The following DLG2 variants were observed in gnomAD, a reference collection of about 807,000 sequenced individuals.
DLG2 encodes disks large homolog 2.
In DLG2, 45 loss-of-function variants were observed where a neutral mutation model predicts 132.5. The observed-to-expected ratio is 0.34, with a 90% CI of 0.27 to 0.44. The LOEUF is 0.44. DLG2 is among the 20% of genes least tolerant of loss of function. The pLI is 1.00. For missense variants in DLG2, 1,045 were observed against 1,196.9 expected, an observed-to-expected ratio of 0.87 and a Z score of 1.87; for synonymous variants, 424 against 419.6, an observed-to-expected ratio of 1.01 and a Z score of -0.13.
At chr11:84,587,938 G>A (rs1436458617) in intron 6 of DLG2, among the ~76,000 whole-genome samples, 1 of 152,084 alleles carries the variant, frequency 6.6e-6, no homozygotes, top group Non-Finnish European at 1.5e-5. Context: ...GATCATAACT[G>A]GATTTGGCTT....
At chr11:84,592,731 G>A (rs2099546471) in intron 6 of DLG2, among the ~76,000 whole-genome samples, 1 of 151,394 alleles carries the variant, frequency 6.6e-6, no homozygotes, top group South Asian at 2.1e-4. Context: ...ATCATCACTG[G>A]TCATGAGAGA....
chr11:85,104,747 GA>G (rs1327334096), intron 6 of DLG2, among the ~76,000 whole-genome samples: 2 of 150,934 alleles, frequency 1.3e-5, no homozygotes, highest in Non-Finnish European at 3.0e-5. Flanking sequence ...TTAAAGGATT[GA>G]AAAACAAAAA....
intron 8 of DLG2, among the ~76,000 whole-genome samples, chr11:84,222,113 A>G (rs1320735665): frequency 6.6e-6 from 1 of 151,904 alleles, no homozygotes; most frequent in Non-Finnish European, 1.5e-5. Flanking sequence ...GCTCACTGCA[A>G]CCTCCACCTC....
At chr11:84,058,606 G>C (rs916722267) in intron 11 of DLG2, among the ~76,000 whole-genome samples, 1 of 151,036 alleles carries the variant, frequency 6.6e-6, no homozygotes, top group African/African-American at 2.4e-5. Flanking sequence ...AGGATCACTT[G>C]AGCCCAGGAG....
At chr11:83,484,458 A>G (rs139097467) in intron 21 of DLG2, among the ~76,000 whole-genome samples, 84 of 152,188 alleles carry the variant, frequency 5.5e-4, no homozygotes, top group Non-Finnish European at 1.1e-3. Flanking sequence ...CTGGTTACAG[A>G]TAAATGGTGA....
At chr11:85,180,213 C>T (rs1157985956) in intron 4 of DLG2, among the ~76,000 whole-genome samples, 1 of 151,866 alleles carries the variant, frequency 6.6e-6, no homozygotes, top group African/African-American at 2.4e-5. Flanking sequence ...CACACATAAG[C>T]ACATATACAT....
intron 4 of DLG2, among the ~76,000 whole-genome samples, chr11:85,226,745 T>C (rs17810280): frequency 0.048 from 7,327 of 152,100 alleles, 237 homozygotes; most frequent in East Asian, 0.11. Flanking sequence ...AAAAAGACAA[T>C]GATGTTATTC....
At chr11:83,986,289 T>G (rs1354198336) in intron 11 of DLG2, among the ~76,000 whole-genome samples, 3 of 150,018 alleles carry the variant, frequency 2.0e-5, no homozygotes, top group African/African-American at 4.9e-5. Context: ...AATTCCCACC[T>G]ATGAGTGAGA....
In DLG2 at chr11:83,993,835, A is replaced by G. The variant is rs545717729; in HGVS notation, c.920-13193T>C. ...ACTGTCTTGGAAGTATACAGATTCC[A>G]GCACACAAAGCCACAAAAGTTACAT... On this transcript the variant is annotated intron_variant, in intron 11 of 27. Coordinates refer to ENST00000376104, the MANE Select transcript of DLG2 (RefSeq NM_001142699.3). Among the ~76,000 whole-genome samples the G allele has an allele frequency of 1.3e-4, 20 of 152,316 alleles. No homozygotes were observed. In the East Asian group the frequency reaches 3.7e-3, roughly 28 times the overall value.
At chr11:84,466,108 T>C (rs2099093716) in intron 7 of DLG2, among the ~76,000 whole-genome samples, 1 of 151,210 alleles carries the variant, frequency 6.6e-6, no homozygotes, top group South Asian at 2.1e-4. Flanking sequence ...ATAAATAATA[T>C]TGAGACAACT....
chr11:85,496,560 G>C (rs1216249340), intron 3 of DLG2, among the ~76,000 whole-genome samples: 1 of 152,154 alleles, frequency 6.6e-6, no homozygotes, highest in African/African-American at 2.4e-5. Flanking sequence ...GCTCTGAAAA[G>C]ACCAGTGGTT....
At chr11:84,828,672 G>C (rs559677719) in intron 6 of DLG2, among the ~76,000 whole-genome samples, 2 of 151,682 alleles carry the variant, frequency 1.3e-5, no homozygotes, top group Non-Finnish European at 2.9e-5. Context: ...TAAAGACATG[G>C]AGGTGCCAAA....
At chr11:84,693,667 C>T (rs1595882414) in intron 6 of DLG2, among the ~76,000 whole-genome samples, 1 of 151,652 alleles carries the variant, frequency 6.6e-6, no homozygotes, top group East Asian at 1.9e-4. Flanking sequence ...AATTGTCTCA[C>T]CTGGCTTATA....
rs144723023 is a variant in DLG2 at position 83,814,814 on chromosome 11, C to T, written c.1722+18800G>A. 2.9e-4 allele frequency: 69 copies of T among 236,580 alleles called. No homozygotes were observed. The East Asian group carries it at 6.8e-3, about 23-fold the overall frequency. The allele number at this position is 236,580 out of a possible 1,614,324, so 14.7% of individuals were successfully genotyped here. On this transcript the variant is annotated intron_variant, in intron 17 of 27. Transcript: ENST00000376104. ...CAATTCCTTTATCTGAGTTTAGATC[C>T]TTCAGAGGGACACCAGCAATGTTCA...
At chr11:83,832,086 C>A (rs1238629758) in intron 17 of DLG2, among the ~76,000 whole-genome samples, 3 of 152,110 alleles carry the variant, frequency 2.0e-5, no homozygotes, top group Non-Finnish European at 4.4e-5. Context: ...AGTTTATCTT[C>A]ATTTGAACAT....
rs2092688667 is a variant in DLG2, at chr11:83,980,486, T to A, written c.1056+20A>T. 1 of 1,604,934 alleles carries A rather than the reference T, an allele frequency of 6.2e-7. No homozygotes were observed. The highest frequency in any genetic ancestry group is 8.5e-7 in the Non-Finnish European group (1 of 1,176,158). ...AGAGCTTTATAAATATACACACAGT[T>A]TTGCTGGAGTCACACTCACCATTAG... On this transcript the variant is annotated intron_variant, in intron 12 of 27. Coordinates refer to ENST00000376104, the MANE Select transcript of DLG2 (RefSeq NM_001142699.3).
intron 6 of DLG2, among the ~76,000 whole-genome samples, chr11:85,080,090 C>A (rs543740): frequency 0.7 from 106,480 of 151,990 alleles, 38,373 homozygotes; most frequent in East Asian, 0.95. Flanking sequence ...TGAAGAATTT[C>A]AACTAATTGT....
intron 6 of DLG2, among the ~76,000 whole-genome samples, chr11:84,988,819 A>G (rs1207992895): frequency 6.6e-6 from 1 of 152,168 alleles, no homozygotes; most frequent in Non-Finnish European, 1.5e-5. Flanking sequence ...AATCACCACT[A>G]CAGAACTTAC....
chr11:84,558,382 T>C (rs967481508), intron 6 of DLG2, among the ~76,000 whole-genome samples: 1 of 152,212 alleles, frequency 6.6e-6, no homozygotes, highest in Non-Finnish European at 1.5e-5. Context: ...TCCCCAGTAG[T>C]GAATTCTTAT....
Sources: allele counts gnomAD v4.1 joint callset (sites outside exome capture counted in the v4.1 genomes callset), GRCh38; gene constraint gnomAD v4.1.1; transcripts MANE v1.5; gene names NCBI Gene and HGNC (gene_info 2026-07-23, HGNC 2026-07-21).